CTNNA2: variants seen among roughly 807,000 people sequenced by gnomAD.
CTNNA2 encodes catenin alpha-2.
A neutral mutation model predicts 101.0 loss-of-function variants in CTNNA2; 42 were observed. The ratio of observed to expected loss-of-function variants is 0.42; its 90% CI spans 0.32 to 0.54. The LOEUF is 0.54. CTNNA2 is among the 20% of genes least tolerant of loss of function. CTNNA2 has a pLI of 0.14. For missense variants in CTNNA2, 871 were observed against 1,223.1 expected (o/e 0.71, Z 4.29); for synonymous variants, 450 against 456.4 (o/e 0.99, Z 0.18).
chr2:80,094,314 G>A (rs1699999315), intron 7 of CTNNA2, among the ~76,000 whole-genome samples: 1 of 152,026 alleles, frequency 6.6e-6, no homozygotes, highest in South Asian at 2.1e-4. Flanking sequence ...TCAGATAGTT[G>A]TAGATATGCG....
intron 7 of CTNNA2, among the ~76,000 whole-genome samples, chr2:80,106,189 C>G (rs183852761): frequency 6.6e-6 from 1 of 152,094 alleles, no homozygotes; most frequent in Non-Finnish European, 1.5e-5. Flanking sequence ...CCTCTACACA[C>G]GTCAAATGTA....
chr2:79,255,223 G>A (rs1674828513), intron 2 of CTNNA2, among the ~76,000 whole-genome samples: 2 of 152,146 alleles, frequency 1.3e-5, no homozygotes, highest in Non-Finnish European at 2.9e-5. Flanking sequence ...GTTATTTCCT[G>A]TAATCAATGA....
chr2:80,507,012 A>G (rs1351341454), intron 9 of CTNNA2, among the ~76,000 whole-genome samples: 1 of 152,182 alleles, frequency 6.6e-6, no homozygotes, highest in East Asian at 1.9e-4. Context: ...TTAGGTGTTC[A>G]GTATACGTTA....
At position 80,162,344 on chromosome 2, in the gene CTNNA2, A is replaced by G. The variant is rs1272210421; in HGVS notation, c.1057-230867A>G. 7 of 1,103,302 alleles carry G rather than the reference A, an allele frequency of 6.3e-6. No homozygotes were observed. In the East Asian group the frequency reaches 1.3e-4, roughly 20 times the overall value. The allele number at this position is 1,103,302 out of a possible 1,614,324, so 68.3% of individuals were successfully genotyped here. A position where few individuals can be genotyped will look rare whatever the true frequency, so the allele number is the denominator to read the frequency against. ...AAAAAATGTATAAAGAAATGTGACA[A>G]CTTGTAAAGCTGCTCTGTACAGTTT... is the stretch of plus-strand genomic sequence containing the variant. On this transcript the variant is annotated intron_variant, in intron 7 of 18. Transcript: ENST00000402739.
chr2:80,550,191 T>C (rs1692442201), intron 11 of CTNNA2, among the ~76,000 whole-genome samples: 1 of 152,250 alleles, frequency 6.6e-6, no homozygotes, highest in South Asian at 2.1e-4. Context: ...CAGTGCAGTG[T>C]AGTCCATTAA....
chr2:80,334,354 CAA>C (rs562963131), intron 7 of CTNNA2, among the ~76,000 whole-genome samples: 3 of 152,192 alleles, frequency 2.0e-5, no homozygotes, highest in Non-Finnish European at 4.4e-5. Context: ...AGACCTTGAA[CAA>C]TCAGCTTTTG....
At chr2:79,263,921 A>G (rs1046091378) in intron 2 of CTNNA2, among the ~76,000 whole-genome samples, 1 of 152,228 alleles carries the variant, frequency 6.6e-6, no homozygotes, top group Non-Finnish European at 1.5e-5. Flanking sequence ...AGAAAAATGC[A>G]TATAAGGGAT....
intron 7 of CTNNA2, among the ~76,000 whole-genome samples, chr2:80,121,079 A>G (rs182962273): frequency 3.9e-4 from 60 of 152,326 alleles, no homozygotes; most frequent in African/African-American, 1.4e-3. Context: ...GCCATTTCCC[A>G]ATTCTGATTT....
At chr2:79,881,565 A>C (rs1439569244) in intron 6 of CTNNA2, among the ~76,000 whole-genome samples, 1 of 151,966 alleles carries the variant, frequency 6.6e-6, no homozygotes, top group East Asian at 1.9e-4. Flanking sequence ...ACCATTATGT[A>C]ATGCCCTTGT....
chr2:79,647,512 T>C (rs1001449565), intron 1 of CTNNA2, among the ~76,000 whole-genome samples: 9 of 152,152 alleles, frequency 5.9e-5, no homozygotes, highest in Non-Finnish European at 1.2e-4. Flanking sequence ...GCTTCAAGTT[T>C]TTTTTTTCAG....
At chr2:79,739,803 C>T (rs2104965034) in intron 2 of CTNNA2, among the ~76,000 whole-genome samples, 1 of 152,296 alleles carries the variant, frequency 6.6e-6, no homozygotes, top group East Asian at 1.9e-4. Flanking sequence ...AAATGTGTTC[C>T]TGCTGCTCTG....
intron 1 of CTNNA2, among the ~76,000 whole-genome samples, chr2:79,614,702 T>G (rs938753894): frequency 6.6e-6 from 1 of 152,200 alleles, no homozygotes; most frequent in African/African-American, 2.4e-5. Flanking sequence ...TTGGATAGTC[T>G]TTGATTATCT....
At chr2:79,261,552 C>A (rs542024749) in intron 2 of CTNNA2, among the ~76,000 whole-genome samples, 12 of 152,178 alleles carry the variant, frequency 7.9e-5, no homozygotes, top group Non-Finnish European at 1.2e-4. Context: ...TGGTTTCTGG[C>A]GAGACCTCCT....
At chr2:79,736,446 C>G (rs914630172) in intron 2 of CTNNA2, among the ~76,000 whole-genome samples, 1 of 152,160 alleles carries the variant, frequency 6.6e-6, no homozygotes, top group Admixed American at 6.5e-5. Flanking sequence ...TAAAACCTGA[C>G]TGAAGATTTC....
chr2:79,341,589 C>A (rs1385679034), intron 3 of CTNNA2, among the ~76,000 whole-genome samples: 1 of 152,160 alleles, frequency 6.6e-6, no homozygotes, highest in Non-Finnish European at 1.5e-5. Flanking sequence ...TTTTCAAGGA[C>A]GTTTGAATAG....
intron 9 of CTNNA2, among the ~76,000 whole-genome samples, chr2:80,543,334 C>A (rs1401392596): frequency 6.6e-6 from 1 of 152,192 alleles, no homozygotes; most frequent in Non-Finnish European, 1.5e-5. Context: ...CCATGGCATG[C>A]AGTATCTGTG....
chr2:79,958,578 G>A (rs1308907314), intron 7 of CTNNA2, among the ~76,000 whole-genome samples: 1 of 152,170 alleles, frequency 6.6e-6, no homozygotes, highest in Non-Finnish European at 1.5e-5. Context: ...CAAGGAATTA[G>A]ATTGTTCCCT....
At chr2:80,039,242 C>T (rs2104256204) in intron 7 of CTNNA2, among the ~76,000 whole-genome samples, 1 of 152,214 alleles carries the variant, frequency 6.6e-6, no homozygotes, top group South Asian at 2.1e-4. Context: ...CCCCTGCCCC[C>T]ACCACCACTG....
intron 3 of CTNNA2, among the ~76,000 whole-genome samples, chr2:79,807,833 G>A (rs1676698584): frequency 6.6e-6 from 1 of 152,142 alleles, no homozygotes; most frequent in African/African-American, 2.4e-5. Flanking sequence ...ACTGTTAGAG[G>A]AAAATTATAG....
Sources: allele counts gnomAD v4.1 joint callset (sites outside exome capture counted in the v4.1 genomes callset), GRCh38; gene constraint gnomAD v4.1.1; transcripts MANE v1.5; gene names NCBI Gene and HGNC (gene_info 2026-07-23, HGNC 2026-07-21).